SELENOF: variants seen among roughly 807,000 people sequenced by gnomAD.
The protein encoded by SELENOF is 15 kDa selenoprotein.
A neutral mutation model predicts 20.5 loss-of-function variants in SELENOF; 16 were observed. The ratio of observed to expected loss-of-function variants is 0.78; its 90% CI spans 0.53 to 1.19. The LOEUF (loss-of-function observed/expected upper bound fraction) is 1.19, where lower values mean the gene tolerates loss of function less well. SELENOF is among the 50% of genes most tolerant of loss of function. The pLI, the probability that SELENOF is intolerant of heterozygous loss-of-function variation, is 0.00. For missense variants in SELENOF, 215 were observed against 194.2 expected (o/e 1.11, Z -0.64); for synonymous variants, 78 against 74.5 (o/e 1.05, Z -0.24).
intron 3 of SELENOF, among the ~76,000 whole-genome samples, chr1:86,869,050 T>C: frequency 6.6e-6 from 1 of 152,148 alleles, no homozygotes; most frequent in East Asian, 1.9e-4. Context: ...AACAATGAGG[T>C]ACTCACATTC....
intron 2 of SELENOF, chr1:86,887,161 G>A: frequency 1.3e-6 from 2 of 1,541,734 alleles, no homozygotes; most frequent in South Asian, 1.2e-5. Context: ...CTCACTTTGA[G>A]TGATGGCATT....
chr1:86,865,442 C>A (rs1460637493), intron 4 of SELENOF, among the ~76,000 whole-genome samples: 1 of 152,006 alleles, frequency 6.6e-6, no homozygotes, highest in Non-Finnish European at 1.5e-5. Context: ...ACAACAACAA[C>A]CAAAAATCCC....
intron 3 of SELENOF, among the ~76,000 whole-genome samples, chr1:86,868,680 T>C (rs574890008): frequency 6.6e-4 from 100 of 151,748 alleles, no homozygotes; most frequent in Non-Finnish European, 1.2e-3. Flanking sequence ...ATCACAGAAC[T>C]AATGAGTCAT....
chr1:86,894,003 T>C (rs562176175), intron 2 of SELENOF, among the ~76,000 whole-genome samples: 1 of 152,292 alleles, frequency 6.6e-6, no homozygotes, highest in East Asian at 1.9e-4. Flanking sequence ...GGAAAGTAGA[T>C]CTTTAAGTGA....
At chr1:86,900,955 T>G (rs1659688394) in intron 2 of SELENOF, among the ~76,000 whole-genome samples, 1 of 152,166 alleles carries the variant, frequency 6.6e-6, no homozygotes, top group South Asian at 2.1e-4. Flanking sequence ...TGCAGTGGCA[T>G]GATCTCAGCT....
In SELENOF at chr1:86,877,750, C is replaced by A. The variant is rs372819255; in HGVS notation, c.316+2912G>T. 9.2e-5 allele frequency among the ~76,000 whole-genome samples: 14 copies of A among 152,242 alleles called. No individual in the cohort carries two copies. In the East Asian group the frequency reaches 1.5e-3, roughly 17 times the overall value. The stretch of plus-strand genomic sequence containing the variant: ...ACGGAGGCCCACGGGCCAAATCTGT[C>A]CTGCTTGCTTTTTTTAATAAAGTTC... On this transcript the variant is annotated intron_variant, in intron 3 of 4. Transcript: ENST00000331835.
At chr1:86,904,383 G>A (rs1191580378) in intron 1 of SELENOF, among the ~76,000 whole-genome samples, 9 of 152,206 alleles carry the variant, frequency 5.9e-5, no homozygotes, top group African/African-American at 1.7e-4. Context: ...TACATAAATC[G>A]TTACATTAAA....
intron 2 of SELENOF, among the ~76,000 whole-genome samples, chr1:86,899,839 T>C (rs1260602924): frequency 5.8e-5 from 7 of 119,966 alleles, no homozygotes; most frequent in East Asian, 2.9e-4. Context: ...GACGGGGCGG[T>C]TGCCAGGCGG....
intron 2 of SELENOF, 55 bp from the exon 3 acceptor site, chr1:86,880,780 A>G: frequency 9.2e-7 from 1 of 1,089,052 alleles, no homozygotes; most frequent in Non-Finnish European, 1.3e-6. Context: ...AAATGTACTT[A>G]TAAAATAAAT....
At chr1:86,893,432 C>A (rs907227322) in intron 2 of SELENOF, among the ~76,000 whole-genome samples, 1 of 149,414 alleles carries the variant, frequency 6.7e-6, no homozygotes, top group African/African-American at 2.5e-5. Context: ...ATGGTGAAAC[C>A]CCATCTCTAC....
At chr1:86,880,389 C>G (rs986720022) in intron 3 of SELENOF, among the ~76,000 whole-genome samples, 1 of 152,164 alleles carries the variant, frequency 6.6e-6, no homozygotes, top group African/African-American at 2.4e-5. Flanking sequence ...CCACCTTGGC[C>G]TCCCAAAGTG....
chr1:86,871,048 T>C (rs1008390230), intron 3 of SELENOF, among the ~76,000 whole-genome samples: 2 of 152,218 alleles, frequency 1.3e-5, no homozygotes, highest in African/African-American at 4.8e-5. Flanking sequence ...CGTAGATCCA[T>C]AGCTTCCTAA....
chr1:86,894,001 G>T (rs969650634), intron 2 of SELENOF, among the ~76,000 whole-genome samples: 3 of 152,148 alleles, frequency 2.0e-5, no homozygotes, highest in African/African-American at 7.2e-5. Flanking sequence ...CTGGAAAGTA[G>T]ATCTTTAAGT....
At chr1:86,890,837 G>T (rs532743361) in intron 2 of SELENOF, among the ~76,000 whole-genome samples, 2 of 152,050 alleles carry the variant, frequency 1.3e-5, no homozygotes, top group Non-Finnish European at 2.9e-5. Flanking sequence ...ACTGTTTTTA[G>T]TTCTGTTGGT....
intron 1 of SELENOF, among the ~76,000 whole-genome samples, chr1:86,909,564 G>A (rs1457807299): frequency 6.6e-6 from 1 of 152,182 alleles, no homozygotes; most frequent in Non-Finnish European, 1.5e-5. Context: ...ACAACGAAGG[G>A]AATATAAAAT....
Position 86,863,432 on chromosome 1 carries a change from T to G in SELENOF, c.*42A>C. On this transcript the variant is annotated 3_prime_UTR_variant, in exon 5 of 5. Coordinates refer to ENST00000331835, the MANE Select transcript of SELENOF (RefSeq NM_004261.5). Reference sequence around the variant, plus strand: ...TTTTCTAGGTGCTGTAATATTTCATTTGATAAGGTAACAAAAGGATAGGAC... The same window carrying G: ...TTTTCTAGGTGCTGTAATATTTCATGTGATAAGGTAACAAAAGGATAGGAC... 2.6e-6 allele frequency: 4 copies of G among 1,548,188 alleles called. No individual in the cohort carries two copies. In the African/African-American group the frequency reaches 4.1e-5, roughly 16 times the overall value.
chr1:86,887,235 A>G (rs1419354892), intron 2 of SELENOF: 2 of 1,526,594 alleles, frequency 1.3e-6, no homozygotes, highest in South Asian at 2.5e-5. Context: ...TTATAATTTT[A>G]ACAAACAAAG....
intron 2 of SELENOF, among the ~76,000 whole-genome samples, chr1:86,896,761 A>G (rs994352861): frequency 3.9e-5 from 6 of 152,238 alleles, no homozygotes; most frequent in African/African-American, 7.2e-5. Flanking sequence ...GAGTGTTACC[A>G]ATGGCTAACT....
chr1:86,885,645 G>A (rs1659193421), intron 2 of SELENOF, among the ~76,000 whole-genome samples: 1 of 152,130 alleles, frequency 6.6e-6, no homozygotes, highest in African/African-American at 2.4e-5. Flanking sequence ...AAAGAAACAT[G>A]ACCTTAAGAA....
Sources: gnomAD v4.1 joint callset for allele counts (sites outside exome capture counted in the v4.1 genomes callset) on GRCh38, gnomAD v4.1.1 for gene constraint, MANE v1.5 for transcripts, NCBI Gene and HGNC (gene_info 2026-07-23, HGNC 2026-07-21) for gene names.